Variants in NAALADL2 observed in about 807,000 individuals in gnomAD.
The protein encoded by NAALADL2 is N-acetylated alpha-linked acidic dipeptidase like 2.
Under a neutral mutation model 87.2 loss-of-function variants are expected in NAALADL2, and 76 were observed. That is an observed-to-expected ratio of 0.87 (90% CI 0.72 to 1.05). The LOEUF (loss-of-function observed/expected upper bound fraction) is 1.05. Ranked by LOEUF, NAALADL2 falls within the 50% of genes least tolerant of loss-of-function variation. The pLI is 0.00. For missense variants in NAALADL2, 1,089 were observed against 945.8 expected (o/e 1.15, Z -1.99); for synonymous variants, 354 against 331.0 (o/e 1.07, Z -0.75).
At chr3:175,619,861 T>C (rs999790223) in intron 10 of NAALADL2, among the ~76,000 whole-genome samples, 3 of 152,030 alleles carry the variant, frequency 2.0e-5, no homozygotes, top group Non-Finnish European at 4.4e-5. Flanking sequence ...AAGGTGTAGC[T>C]TGGGCCAGGA....
chr3:174,939,665 G>T (rs1355477319), intron 1 of NAALADL2, among the ~76,000 whole-genome samples: 3 of 151,728 alleles, frequency 2.0e-5, no homozygotes, highest in African/African-American at 7.3e-5. Flanking sequence ...TTATTTGTTT[G>T]TCTTCTCTAA....
intron 10 of NAALADL2, among the ~76,000 whole-genome samples, chr3:175,577,865 A>G (rs955383269): frequency 6.6e-6 from 1 of 152,132 alleles, no homozygotes; most frequent in Non-Finnish European, 1.5e-5. Flanking sequence ...CCTATAATAG[A>G]TATTGGTATA....
intron 10 of NAALADL2, among the ~76,000 whole-genome samples, chr3:175,599,107 C>A (rs13434305): frequency 0.017 from 2,640 of 152,144 alleles, 76 homozygotes; most frequent in Admixed American, 0.065. Flanking sequence ...AAACCTAGCA[C>A]CACTCCAGCA....
chr3:175,742,762 AT>A (rs1745417506), intron 12 of NAALADL2, among the ~76,000 whole-genome samples: 2 of 152,258 alleles, frequency 1.3e-5, no homozygotes. Context: ...AAAGAGGGAA[AT>A]GTATGTATTT....
chr3:175,360,395 T>C (rs575573138), intron 5 of NAALADL2, among the ~76,000 whole-genome samples: 1 of 152,094 alleles, frequency 6.6e-6, no homozygotes, highest in Non-Finnish European at 1.5e-5. Context: ...TATTGAAGCA[T>C]GTTTCCCTCT....
chr3:175,021,650 C>T (rs1256205065), intron 1 of NAALADL2, among the ~76,000 whole-genome samples: 1 of 152,096 alleles, frequency 6.6e-6, no homozygotes, highest in Admixed American at 6.6e-5. Flanking sequence ...TCTTCAGAGC[C>T]CAGCCTTTCT....
At chr3:175,038,258 G>A (rs1195796103) in intron 1 of NAALADL2, among the ~76,000 whole-genome samples, 1 of 152,040 alleles carries the variant, frequency 6.6e-6, no homozygotes. Context: ...CAAAATTTTA[G>A]AGATTTTGAT....
intron 11 of NAALADL2, among the ~76,000 whole-genome samples, chr3:175,652,692 A>T (rs1443182403): frequency 6.6e-6 from 1 of 151,902 alleles, no homozygotes; most frequent in Non-Finnish European, 1.5e-5. Context: ...GTTAGCCAGG[A>T]TGGTCTCGAT....
chr3:174,646,788 T>C (rs1450825137), intron 2 of NAALADL2, among the ~76,000 whole-genome samples: 1 of 152,198 alleles, frequency 6.6e-6, no homozygotes, highest in Non-Finnish European at 1.5e-5. Context: ...TGAAAATATT[T>C]ATATATTCTG....
chr3:175,484,877 G>A (rs1727024024), intron 9 of NAALADL2, among the ~76,000 whole-genome samples: 1 of 152,078 alleles, frequency 6.6e-6, no homozygotes, highest in Non-Finnish European at 1.5e-5. Context: ...CAACAGAACT[G>A]TTACTTGCTG....
chr3:174,512,205 GAT>G (rs1234910794), intron 1 of NAALADL2, among the ~76,000 whole-genome samples: 3 of 152,130 alleles, frequency 2.0e-5, no homozygotes, highest in African/African-American at 4.8e-5. Flanking sequence ...ATTATTAAAA[GAT>G]ATTTTTATTG....
intron 1 of NAALADL2, among the ~76,000 whole-genome samples, chr3:174,959,167 A>G (rs1741601057): frequency 6.6e-6 from 1 of 152,032 alleles, no homozygotes; most frequent in Admixed American, 6.6e-5. Flanking sequence ...TTAGTTTGTA[A>G]AAACCAGGCC....
intron 3 of NAALADL2, among the ~76,000 whole-genome samples, chr3:174,775,411 G>A: frequency 6.6e-6 from 1 of 151,994 alleles, no homozygotes; most frequent in East Asian, 1.9e-4. Flanking sequence ...AGTCTTTGTT[G>A]GCTGGCTTGT....
chr3:175,654,069 C>T (rs115075946), intron 11 of NAALADL2, among the ~76,000 whole-genome samples: 2,572 of 152,280 alleles, frequency 0.017, 78 homozygotes, highest in African/African-American at 0.059. Flanking sequence ...AGACTGACCC[C>T]TGGATTTTAT....
intron 2 of NAALADL2, among the ~76,000 whole-genome samples, chr3:174,687,777 G>T (rs1208741201): frequency 1.3e-5 from 2 of 152,124 alleles, no homozygotes; most frequent in African/African-American, 2.4e-5. Context: ...GGCAGGGCCA[G>T]GTGGAGATAA....
chr3:175,412,834 A>G (rs1490496719), intron 5 of NAALADL2, among the ~76,000 whole-genome samples: 1 of 150,220 alleles, frequency 6.7e-6, no homozygotes, highest in East Asian at 2.0e-4. Context: ...GTATTGGGAC[A>G]TTTTGGGTCA....
chr3:174,765,139 CACACGAGA>C (rs1220451645), intron 3 of NAALADL2, among the ~76,000 whole-genome samples: 15 of 124,418 alleles, frequency 1.2e-4, no homozygotes, highest in Non-Finnish European at 2.3e-4. Context: ...CACACACACA[CACACGAGA>C]GAGAGAGAGA....
At chr3:174,616,575 A>G (rs541124707) in intron 2 of NAALADL2, among the ~76,000 whole-genome samples, 4 of 151,892 alleles carry the variant, frequency 2.6e-5, no homozygotes, top group Non-Finnish European at 5.9e-5. Context: ...ATAATGTAGG[A>G]AGCTGTGTAC....
chr3:174,458,401 A>G (rs1715989972), intron 1 of NAALADL2: 1 of 152,194 alleles, frequency 6.6e-6, no homozygotes, highest in Non-Finnish European at 1.5e-5. Context: ...CTTATTTTGA[A>G]GTTACATTAT....
Sources: gnomAD v4.1 joint callset for allele counts (sites outside exome capture counted in the v4.1 genomes callset) on GRCh38, gnomAD v4.1.1 for gene constraint, MANE v1.5 for transcripts, NCBI Gene and HGNC (gene_info 2026-07-23, HGNC 2026-07-21) for gene names.